Variants in STXBP5L observed in about 807,000 individuals in gnomAD.
STXBP5L encodes the protein syntaxin binding protein 5L.
Under a neutral mutation model 144.5 loss-of-function variants are expected in STXBP5L, and 65 were observed. The observed-to-expected ratio is 0.45, with a 90% CI of 0.37 to 0.55. STXBP5L has a LOEUF of 0.55. STXBP5L is among the 20% of genes least tolerant of loss of function. The pLI, the probability that STXBP5L is intolerant of heterozygous loss-of-function variation, is 0.00. For missense variants in STXBP5L, 1,298 were observed against 1,405.5 expected, an observed-to-expected ratio of 0.92 and a Z score of 1.22; for synonymous variants, 505 against 469.6, an observed-to-expected ratio of 1.08 and a Z score of -0.97.
At chr3:121,411,808 C>A (rs986390828) in intron 23 of STXBP5L, among the ~76,000 whole-genome samples, 5 of 152,026 alleles carry the variant, frequency 3.3e-5, no homozygotes, top group Admixed American at 6.6e-5. Context: ...CATTTCCAGG[C>A]ACAGTGAACT....
intron 18 of STXBP5L, among the ~76,000 whole-genome samples, chr3:121,272,503 T>C (rs2050760862): frequency 6.6e-6 from 1 of 152,194 alleles, no homozygotes; most frequent in African/African-American, 2.4e-5. Flanking sequence ...ACTTTCAGCC[T>C]ATGTGTAAGG....
intron 2 of STXBP5L, among the ~76,000 whole-genome samples, chr3:120,941,689 A>G (rs979106526): frequency 6.6e-6 from 1 of 151,742 alleles, no homozygotes; most frequent in Non-Finnish European, 1.5e-5. Context: ...AACTGCTTAT[A>G]TACACAAATC....
chr3:121,316,603 G>T, intron 19 of STXBP5L, among the ~76,000 whole-genome samples: 1 of 152,064 alleles, frequency 6.6e-6, no homozygotes, highest in East Asian at 1.9e-4. Flanking sequence ...TTGGTAGGTG[G>T]GAAAACGATA....
At chr3:121,402,232 A>T (rs981391304) in intron 22 of STXBP5L, among the ~76,000 whole-genome samples, 1 of 152,244 alleles carries the variant, frequency 6.6e-6, no homozygotes, top group Non-Finnish European at 1.5e-5. Flanking sequence ...CTGAAGATAA[A>T]GTAATGACGA....
chr3:121,042,854 G>A (rs969596986), intron 4 of STXBP5L, among the ~76,000 whole-genome samples: 3 of 151,712 alleles, frequency 2.0e-5, no homozygotes, highest in African/African-American at 7.3e-5. Context: ...AGAAAGGAAG[G>A]TAAAGAAAAC....
At chr3:121,136,218 C>A (rs564604439) in intron 7 of STXBP5L, among the ~76,000 whole-genome samples, 1 of 152,044 alleles carries the variant, frequency 6.6e-6, no homozygotes, top group Non-Finnish European at 1.5e-5. Context: ...ATTCACTTGG[C>A]GAAGGAAAGG....
intron 3 of STXBP5L, among the ~76,000 whole-genome samples, chr3:120,998,330 A>G (rs531264080): frequency 5.5e-4 from 84 of 152,232 alleles, no homozygotes; most frequent in Middle Eastern, 3.4e-3. Context: ...TACCCAGGAA[A>G]CCCTGTAATC....
chr3:121,386,556 C>A (rs2046429801), intron 22 of STXBP5L, among the ~76,000 whole-genome samples: 1 of 151,854 alleles, frequency 6.6e-6, no homozygotes, highest in African/African-American at 2.4e-5. Context: ...TCCCCCAGGT[C>A]CCCACCCCCC....
At chr3:121,003,398 G>T (rs565440522) in intron 3 of STXBP5L, among the ~76,000 whole-genome samples, 1 of 152,024 alleles carries the variant, frequency 6.6e-6, no homozygotes, top group African/African-American at 2.4e-5. Flanking sequence ...CTTTTTAATG[G>T]GGTTGTTTCT....
At chr3:121,051,792 G>A (rs779198809) in intron 5 of STXBP5L, among the ~76,000 whole-genome samples, 1 of 152,008 alleles carries the variant, frequency 6.6e-6, no homozygotes, top group Non-Finnish European at 1.5e-5. Flanking sequence ...AATTAATGAA[G>A]CCAGGAGCTG....
intron 3 of STXBP5L, among the ~76,000 whole-genome samples, chr3:120,997,028 TGTAA>T (rs1943404172): frequency 1.3e-5 from 2 of 152,192 alleles, no homozygotes; most frequent in Admixed American, 1.3e-4. Context: ...CTCCCACTTA[TGTAA>T]GTGAGAACAT....
chr3:121,080,967 TA>T (rs1270569217), intron 5 of STXBP5L, among the ~76,000 whole-genome samples: 1 of 152,224 alleles, frequency 6.6e-6, no homozygotes, highest in Non-Finnish European at 1.5e-5. Context: ...TCCCAAAATT[TA>T]GATTTTTCTT....
At position 121,157,613 on chromosome 3, in the gene STXBP5L, C is replaced by T. The variant is rs760015859; in HGVS notation, c.863C>T (p.Thr288Ile). The change falls in exon 9 of 27, where the codon ACC (threonine) becomes ATC (isoleucine). Residue 288 changes from threonine to isoleucine, a missense_variant. Coordinates refer to ENST00000471454, the MANE Select transcript of STXBP5L (RefSeq NM_001308330.2). ...AAAAGCCCAAGTCGCCCTTTCCAGA[C>T]CACAATTCCACATGGTAAGATGTAT... ...NLKSPSRPFQ[T>I]TIPHGKSQRE... The T allele has an allele frequency of 1.6e-5, 26 of 1,599,828 alleles. No homozygotes were observed. In the Admixed American group the frequency reaches 4.6e-4, roughly 28 times the overall value.
At chr3:121,280,953 A>G (rs1475664743) in intron 19 of STXBP5L, among the ~76,000 whole-genome samples, 1 of 150,664 alleles carries the variant, frequency 6.6e-6, no homozygotes, top group Non-Finnish European at 1.5e-5. Flanking sequence ...TTTAATAAGT[A>G]AATAAAATAA....
intron 5 of STXBP5L, among the ~76,000 whole-genome samples, chr3:121,054,821 T>G (rs1948331531): frequency 6.6e-6 from 1 of 152,160 alleles, no homozygotes; most frequent in Non-Finnish European, 1.5e-5. Flanking sequence ...ATCACCATAT[T>G]GATTTTATCT....
Position 121,181,383 on chromosome 3 carries a change from GA to G in STXBP5L, c.877+23758del, listed in dbSNP as rs542763993. 1.5e-4 allele frequency among the ~76,000 whole-genome samples: 21 copies of G among 143,436 alleles called. 2 individuals are homozygous for G. The South Asian group carries it at 3.9e-3, about 27-fold the overall frequency. The allele number at this position is 143,436 out of a possible 152,430, so 94.1% of individuals were successfully genotyped here. On this transcript the variant is annotated intron_variant, in intron 9 of 26. Transcript: ENST00000471454. ...TACCTCACATCTCAATACTAACATT[GA>G]ATGTAAATGGCCTAAGGGCCCCACT... is the stretch of plus-strand genomic sequence containing the variant.
intron 5 of STXBP5L, among the ~76,000 whole-genome samples, chr3:121,094,903 G>A (rs1202188669): frequency 6.6e-6 from 1 of 152,060 alleles, no homozygotes; most frequent in East Asian, 1.9e-4. Context: ...TTTTGCAGCG[G>A]CTGGTACTGG....
At chr3:121,350,943 CCTT>C (rs769982577) in intron 20 of STXBP5L, among the ~76,000 whole-genome samples, 6 of 152,134 alleles carry the variant, frequency 3.9e-5, no homozygotes, top group Non-Finnish European at 7.3e-5. Flanking sequence ...TCATCTGAAG[CCTT>C]CTTCTCTCAA....
intron 3 of STXBP5L, among the ~76,000 whole-genome samples, chr3:121,039,741 C>A (rs1209555892): frequency 6.6e-6 from 1 of 151,532 alleles, no homozygotes; most frequent in Admixed American, 6.6e-5. Context: ...CTCTTCTCTC[C>A]CTCCTCTTTC....
Sources: gnomAD v4.1 joint callset for allele counts (sites outside exome capture counted in the v4.1 genomes callset) on GRCh38, gnomAD v4.1.1 for gene constraint, MANE v1.5 for transcripts, NCBI Gene and HGNC (gene_info 2026-07-23, HGNC 2026-07-21) for gene names.